IGF1R: variants seen among roughly 807,000 people sequenced by gnomAD.
IGF1R encodes the protein insulin-like growth factor 1 receptor.
In IGF1R, 44 loss-of-function variants were observed where a neutral mutation model predicts 144.6. That is an observed-to-expected ratio of 0.30 (90% CI 0.24 to 0.39). The LOEUF (loss-of-function observed/expected upper bound fraction) is 0.39, where lower values mean the gene tolerates loss of function less well. IGF1R is among the 10% of genes least tolerant of loss of function. The pLI is 1.00. For missense variants in IGF1R, 1,355 were observed against 1,833.7 expected (o/e 0.74, Z 4.77); for synonymous variants, 795 against 722.8 (o/e 1.10, Z -1.60).
intron 1 of IGF1R, among the ~76,000 whole-genome samples, chr15:98,681,467 A>G (rs191144853): frequency 5.9e-5 from 9 of 152,340 alleles, no homozygotes; most frequent in Non-Finnish European, 1.0e-4. Flanking sequence ...ATTTGGGTTC[A>G]TTCCAAGGAG....
rs562942642 is a variant in IGF1R, at chr15:98,730,962, T to C, written c.640+22855T>C. ...ACTCGGAGTGGAAACAGATAACATT[T>C]GAGTGCTCTTTCTGTTAATTCATCC... On this transcript the variant is annotated intron_variant, in intron 2 of 20. Transcript: ENST00000650285. Among the ~76,000 whole-genome samples, 6 of 152,348 alleles carry C rather than the reference T, an allele frequency of 3.9e-5. No homozygotes were observed. The East Asian group carries it at 1.2e-3, about 29-fold the overall frequency.
chr15:98,866,650 A>T (rs915525863), intron 2 of IGF1R, among the ~76,000 whole-genome samples: 1 of 152,154 alleles, frequency 6.6e-6, no homozygotes, highest in Non-Finnish European at 1.5e-5. Context: ...AATATTCATG[A>T]GCTTTCCAGT....
At chr15:98,690,655 A>G (rs558331872) in intron 1 of IGF1R, among the ~76,000 whole-genome samples, 4 of 152,346 alleles carry the variant, frequency 2.6e-5, no homozygotes, top group Middle Eastern at 3.4e-3. Flanking sequence ...AATTAGAACA[A>G]TACACAGTTA....
chr15:98,844,018 A>G (rs555644565), intron 2 of IGF1R, among the ~76,000 whole-genome samples: 11 of 152,340 alleles, frequency 7.2e-5, no homozygotes, highest in African/African-American at 2.6e-4. Context: ...ACATTAATCA[A>G]AAATCAATTT....
chr15:98,925,787 C>G (rs887668541), intron 13 of IGF1R, among the ~76,000 whole-genome samples: 1 of 152,116 alleles, frequency 6.6e-6, no homozygotes, highest in African/African-American at 2.4e-5. Context: ...GCCTGTAATC[C>G]CAGCTACTTG....
At chr15:98,814,136 A>T (rs778439929) in intron 2 of IGF1R, among the ~76,000 whole-genome samples, 1 of 152,236 alleles carries the variant, frequency 6.6e-6, no homozygotes. Flanking sequence ...GTTATTAACC[A>T]TACATAGCAA....
At chr15:98,778,578 C>G (rs1408228654) in intron 2 of IGF1R, among the ~76,000 whole-genome samples, 1 of 152,228 alleles carries the variant, frequency 6.6e-6, no homozygotes, top group Non-Finnish European at 1.5e-5. Context: ...TCCAGGGGAG[C>G]AGGGTTGAGG....
intron 15 of IGF1R, 31 bp downstream of exon 15, chr15:98,930,336 G>A (rs370911085): frequency 2.1e-5 from 32 of 1,528,920 alleles, no homozygotes; most frequent in African/African-American, 1.1e-4. Flanking sequence ...CACTGCCAGC[G>A]TGCAGGGCAG....
chr15:98,705,159 G>C (rs2053831392), intron 1 of IGF1R, among the ~76,000 whole-genome samples: 1 of 152,198 alleles, frequency 6.6e-6, no homozygotes, highest in Non-Finnish European at 1.5e-5. Flanking sequence ...AGAGGAAAAG[G>C]TTGAGGATAG....
intron 1 of IGF1R, among the ~76,000 whole-genome samples, chr15:98,677,230 C>T (rs2053070421): frequency 6.6e-6 from 1 of 152,224 alleles, no homozygotes; most frequent in Non-Finnish European, 1.5e-5. Flanking sequence ...AGCCACCATG[C>T]CTGACCTTCC....
chr15:98,768,129 G>A (rs1181786114), intron 2 of IGF1R, among the ~76,000 whole-genome samples: 1 of 152,110 alleles, frequency 6.6e-6, no homozygotes, highest in East Asian at 1.9e-4. Context: ...CAACTAAAAA[G>A]CCTTTCTCCA....
Position 98,818,584 on chromosome 15 carries a change from C to T in IGF1R, c.641-72741C>T, listed in dbSNP as rs533423896. On this transcript the variant is annotated intron_variant, in intron 2 of 20. Transcript: ENST00000650285. ...AATAATTAGTTGGGGAGTGGCAGGG[C>T]GGGGGGTAGGGGTGCAGTCCTGAAC... Among the ~76,000 whole-genome samples, 809 of 119,574 alleles carry T rather than the reference C, an allele frequency of 6.8e-3. 5 individuals are homozygous for T. The highest frequency in any genetic ancestry group is 0.024 in the African/African-American group (741 of 31,394). 78.4% of individuals were successfully genotyped at this position (119,574 alleles called of 152,430 possible). A position where few individuals can be genotyped will look rare whatever the true frequency, so the allele number is the denominator to read the frequency against.
At chr15:98,889,996 C>T (rs1452533365) in intron 2 of IGF1R, among the ~76,000 whole-genome samples, 1 of 152,162 alleles carries the variant, frequency 6.6e-6, no homozygotes, top group African/African-American at 2.4e-5. Context: ...AGTGTGATCA[C>T]GACAGCATTG....
chr15:98,922,353 A>G lies in IGF1R; in HGVS notation c.2407A>G (p.Ile803Val). ...LRPFTLYRID[I>V]HSCNHEAEKL... ...GCCTTTCACATTGTACCGCATCGAT[A>G]TCCACAGCTGCAACCACGAGGCTGA... Residue 803 changes from isoleucine (I) to valine (V), a missense_variant, in exon 11 of 21, where the codon ATC becomes GTC. This residue lies in a region of IGF1R where 880 missense variants were observed against 1,202.7 expected (regional missense o/e 0.73). Coordinates refer to ENST00000650285, the MANE Select transcript of IGF1R (RefSeq NM_000875.5). 6.2e-7 allele frequency: 1 copy of G among 1,614,204 alleles called. No homozygotes were observed.
chr15:98,959,369 C>G lies in IGF1R; in HGVS notation c.*1927C>G, dbSNP rs980817975. 2 of 233,606 alleles carry G rather than the reference C, an allele frequency of 8.6e-6. No homozygotes were observed. The highest frequency in any genetic ancestry group is 1.1e-4 in the Admixed American group (2 of 17,782). The allele number at this position is 233,606 out of a possible 1,614,324, so 14.5% of individuals were successfully genotyped here. On this transcript the variant is annotated 3_prime_UTR_variant, in exon 21 of 21. Transcript: ENST00000650285. ...CCGGCAGGGCCTGTTGTGGCCCTCG[C>G]CACCCCCCTCACCGGACCGACTGAC...
Position 98,929,520 on chromosome 15 carries a change from C to T in IGF1R, c.2783-38C>T, listed in dbSNP as rs138693998. ...AGAAATGAAATGAGCAAATTGTTCA[C>T]CTGGTGATATTTTATCATTTCCTCC... On this transcript the variant is annotated intron_variant, in intron 13 of 20. Coordinates refer to ENST00000650285, the MANE Select transcript of IGF1R (RefSeq NM_000875.5). 2.1e-4 allele frequency: 306 copies of T among 1,477,856 alleles called. No homozygotes were observed. In the African/African-American group the frequency reaches 3.7e-3, roughly 18 times the overall value. 91.5% of individuals were successfully genotyped at this position (1,477,856 alleles called of 1,614,324 possible).
chr15:98,711,543 A>T (rs190321625), intron 2 of IGF1R, among the ~76,000 whole-genome samples: 28 of 152,222 alleles, frequency 1.8e-4, no homozygotes, highest in African/African-American at 6.0e-4. Context: ...TGGATTTTAT[A>T]CATTTTTGAG....
chr15:98,773,509 T>C (rs2055642135), intron 2 of IGF1R, among the ~76,000 whole-genome samples: 1 of 152,162 alleles, frequency 6.6e-6, no homozygotes. Flanking sequence ...ACTTGAGCCA[T>C]GGGGTGCCTT....
At chr15:98,671,885 A>G (rs921879852) in intron 1 of IGF1R, among the ~76,000 whole-genome samples, 1 of 152,188 alleles carries the variant, frequency 6.6e-6, no homozygotes, top group African/African-American at 2.4e-5. Flanking sequence ...TGTTTGGACT[A>G]TTTCAGTGGA....
Sources: allele counts gnomAD v4.1 joint callset (sites outside exome capture counted in the v4.1 genomes callset), GRCh38; gene constraint gnomAD v4.1.1; regional missense constraint gnomAD v4.1.1; transcripts MANE v1.5; gene names NCBI Gene and HGNC (gene_info 2026-07-23, HGNC 2026-07-21).